Variants in ENPP2 observed in about 807,000 individuals in gnomAD.
ENPP2 encodes autotaxin.
In ENPP2, 51 loss-of-function variants were observed where a neutral mutation model predicts 120.2. The ratio of observed to expected loss-of-function variants is 0.42; its 90% CI spans 0.34 to 0.54. The LOEUF (loss-of-function observed/expected upper bound fraction) is 0.54. ENPP2 is among the 20% of genes least tolerant of loss of function. The pLI is 0.04. For missense variants in ENPP2, 920 were observed against 1,066.5 expected (o/e 0.86, Z 1.91); for synonymous variants, 365 against 366.4 (o/e 1.00, Z 0.04).
rs1816785135 is a variant in ENPP2 at position 119,633,119 on chromosome 8, G to A, written c.136+5306C>T. Reference sequence around the variant, plus strand: ...TTCCATAAGATACAACAAAACTATTGATGATTTAAATTTTTGGAAGGAGCC... The same window carrying A: ...TTCCATAAGATACAACAAAACTATTAATGATTTAAATTTTTGGAAGGAGCC... On this transcript the variant is annotated intron_variant, in intron 2 of 24. Transcript: ENST00000075322. Among the ~76,000 whole-genome samples, 3 of 152,288 alleles carry A rather than the reference G, an allele frequency of 2.0e-5. No individual in the cohort carries two copies. In the South Asian group the frequency reaches 6.2e-4, roughly 32 times the overall value.
chr8:119,561,837 G>A (rs1239012013), intron 24 of ENPP2, among the ~76,000 whole-genome samples: 1 of 152,088 alleles, frequency 6.6e-6, no homozygotes, highest in Non-Finnish European at 1.5e-5. Context: ...GTGTATGTGT[G>A]TGTATTAAAA....
chr8:119,583,900 A>C lies in ENPP2; in HGVS notation c.1455+62T>G, dbSNP rs549932918. The C allele has an allele frequency of 5.0e-6, 7 of 1,409,786 alleles. No individual in the cohort carries two copies. In the Admixed American group the frequency reaches 1.2e-4, roughly 24 times the overall value. The allele number at this position is 1,409,786 out of a possible 1,614,324, so 87.3% of individuals were successfully genotyped here. A position where few individuals can be genotyped will look rare whatever the true frequency, so the allele number is the denominator to read the frequency against. On this transcript the variant is annotated intron_variant, in intron 16 of 24. Coordinates refer to ENST00000075322, the MANE Select transcript of ENPP2 (RefSeq NM_001040092.3). ...ACTGTACAACTTCACTCACACCACCATTACTTATCCTTTCGAAGAACCACT... is the reference window on the plus strand; with the variant it reads ...ACTGTACAACTTCACTCACACCACCCTTACTTATCCTTTCGAAGAACCACT...
At chr8:119,603,146 C>T (rs1244183788) in intron 9 of ENPP2, among the ~76,000 whole-genome samples, 1 of 152,040 alleles carries the variant, frequency 6.6e-6, no homozygotes, top group African/African-American at 2.4e-5. Flanking sequence ...AGGTTAATCA[C>T]TTAAGGAATT....
intron 12 of ENPP2, among the ~76,000 whole-genome samples, chr8:119,590,935 A>AAAC (rs892331903): frequency 5.9e-5 from 9 of 151,582 alleles, no homozygotes; most frequent in Non-Finnish European, 1.3e-4. Flanking sequence ...ACCATGATTT[A>AAAC]AACAACAACA....
chr8:119,618,152 G>C (rs1009029713), intron 5 of ENPP2: 2 of 367,664 alleles, frequency 5.4e-6, no homozygotes, highest in East Asian at 1.5e-4. Flanking sequence ...ACAGTGACCT[G>C]TTATTATTCA....
At chr8:119,573,714 G>A (rs1241232448) in intron 19 of ENPP2, among the ~76,000 whole-genome samples, 2 of 151,970 alleles carry the variant, frequency 1.3e-5, no homozygotes, top group Non-Finnish European at 2.9e-5. Flanking sequence ...TGGGAGGCTG[G>A]GGCAGAACTG....
chr8:119,616,272 C>G lies in ENPP2; in HGVS notation c.770G>C (p.Gly257Ala), dbSNP rs773569075. 6.2e-6 allele frequency: 10 copies of G among 1,601,162 alleles called. No individual in the cohort carries two copies. In the East Asian group the frequency reaches 2.2e-4, roughly 36 times the overall value. ...REKFNHRWWGGQPLWITATKQ... is the reference protein window; with the variant it reads ...REKFNHRWWGAQPLWITATKQ... The stretch of plus-strand genomic sequence containing the variant: ...AATAAATGCAAAACTTACCGGTTGA[C>G]CTCCCCACCATCTATGATTAAATTT... The change falls in exon 8 of 25, where the codon GGT becomes GCT. Residue 257 changes from glycine (G) to alanine (A), a missense_variant. Transcript: ENST00000075322.
rs77000578 is a variant in ENPP2 at position 119,628,345 on chromosome 8, G to A, written c.137-1625C>T. On this transcript the variant is annotated intron_variant, in intron 2 of 24. Transcript: ENST00000075322. ...ATAATTTAGAAAGACCTATCAACATGTTTAAATGCTTATAAATGTTTCACC... is the reference window on the plus strand; with the variant it reads ...ATAATTTAGAAAGACCTATCAACATATTTAAATGCTTATAAATGTTTCACC... Among the ~76,000 whole-genome samples, 48 of 152,246 alleles carry A rather than the reference G, an allele frequency of 3.2e-4. No homozygotes were observed. In the East Asian group the frequency reaches 5.6e-3, roughly 18 times the overall value.
At chr8:119,666,305 C>A (rs890228920) in intron 1 of ENPP2, among the ~76,000 whole-genome samples, 1 of 151,876 alleles carries the variant, frequency 6.6e-6, no homozygotes, top group Non-Finnish European at 1.5e-5. Context: ...CGAAAATTTG[C>A]CTCTGAAAGA....
chr8:119,621,822 T>C (rs1278157311), intron 3 of ENPP2, among the ~76,000 whole-genome samples: 1 of 152,182 alleles, frequency 6.6e-6, no homozygotes, highest in African/African-American at 2.4e-5. Context: ...CCCAACAAAT[T>C]TATGACATCA....
intron 3 of ENPP2, among the ~76,000 whole-genome samples, chr8:119,622,791 A>G (rs969883629): frequency 2.6e-5 from 4 of 152,080 alleles, no homozygotes; most frequent in Non-Finnish European, 4.4e-5. Flanking sequence ...TGACTCTTAT[A>G]CCATGTTTTC....
chr8:119,655,439 A>G (rs1817742257), intron 1 of ENPP2, among the ~76,000 whole-genome samples: 1 of 152,118 alleles, frequency 6.6e-6, no homozygotes, highest in African/African-American at 2.4e-5. Context: ...ATTGCTGAAA[A>G]TCTGGACTCT....
intron 23 of ENPP2, among the ~76,000 whole-genome samples, chr8:119,564,089 G>A (rs919974255): frequency 1.3e-5 from 2 of 151,666 alleles, no homozygotes; most frequent in African/African-American, 4.8e-5. Context: ...CACAGATAAT[G>A]GCTTTTATAT....
At chr8:119,585,947 C>T (rs1352733861) in intron 15 of ENPP2, among the ~76,000 whole-genome samples, 2 of 151,962 alleles carry the variant, frequency 1.3e-5, no homozygotes, top group African/African-American at 4.8e-5. Context: ...CACACACACA[C>T]ACACACACAC....
At chr8:119,562,503 T>C (rs987341537) in intron 24 of ENPP2, among the ~76,000 whole-genome samples, 4 of 152,236 alleles carry the variant, frequency 2.6e-5, no homozygotes, top group African/African-American at 9.6e-5. Context: ...TAAAATTCCA[T>C]GACCTCTTAC....
rs187974967 is a variant in ENPP2, at chr8:119,653,866, C to A, written c.22-15339G>T. ...GAGGGGAGAAGGTGGGTGTGCATTG[C>A]CCTTCCTCAAACGTTTGAAAGTTAA... On this transcript the variant is annotated intron_variant, in intron 1 of 25. Coordinates refer to the ENPP2 transcript ENST00000427067. Among the ~76,000 whole-genome samples, 1,080 of 151,716 alleles carry A rather than the reference C, an allele frequency of 7.1e-3. 17 individuals are homozygous for A. The highest frequency in any genetic ancestry group is 0.023 in the African/African-American group (973 of 41,412).
intron 13 of ENPP2, 36 bp downstream of exon 13, chr8:119,590,469 C>A: frequency 6.6e-7 from 1 of 1,517,108 alleles, no homozygotes; most frequent in Admixed American, 2.1e-5. Context: ...TTTGTATTAC[C>A]ACTCTAACCA....
Position 119,596,133 on chromosome 8 carries a change from T to C in ENPP2, c.973-2273A>G, listed in dbSNP as rs151029875. On this transcript the variant is annotated intron_variant, in intron 11 of 24. Coordinates refer to ENST00000075322, the MANE Select transcript of ENPP2 (RefSeq NM_001040092.3). ...CTAAGGCTCCTTAAGTGAGAAAAAA[T>C]TGGAATGAGGGATGGATGATTAGAG... 39 of 743,978 alleles carry C rather than the reference T, an allele frequency of 5.2e-5. No individual in the cohort carries two copies. The African/African-American group carries it at 6.0e-4, about 11-fold the overall frequency. 46.1% of individuals were successfully genotyped at this position (743,978 alleles called of 1,614,324 possible).
intron 2 of ENPP2, among the ~76,000 whole-genome samples, chr8:119,635,571 C>G (rs1816949969): frequency 6.6e-6 from 1 of 152,140 alleles, no homozygotes; most frequent in South Asian, 2.1e-4. Context: ...TCAAGTGGGC[C>G]ACATCAGACA....
Sources: gnomAD v4.1 joint callset for allele counts (sites outside exome capture counted in the v4.1 genomes callset) on GRCh38, gnomAD v4.1.1 for gene constraint, MANE v1.5 for transcripts, NCBI Gene and HGNC (gene_info 2026-07-23, HGNC 2026-07-21) for gene names.